Variants in ROBO1 observed in about 807,000 individuals in gnomAD.
ROBO1 encodes the protein roundabout homolog 1.
In ROBO1, 149 loss-of-function variants were observed where a neutral mutation model predicts 195.9. The ratio of observed to expected loss-of-function variants is 0.76; its 90% CI spans 0.67 to 0.87. ROBO1 has a LOEUF of 0.87. Among genes scored for constraint, ROBO1 ranks in the 40% least tolerant of loss-of-function variants. The pLI is 0.00. For synonymous variants in ROBO1, 816 were observed against 733.2 expected, an observed-to-expected ratio of 1.11 and a Z score of -1.82; for missense variants, 1,933 against 2,068.3, an observed-to-expected ratio of 0.93 and a Z score of 1.27.
intron 5 of ROBO1, among the ~76,000 whole-genome samples, chr3:78,746,281 T>G (rs2082654534): frequency 6.6e-6 from 1 of 152,142 alleles, no homozygotes; most frequent in African/African-American, 2.4e-5. Context: ...AAATAAGATT[T>G]TATTTTTCAG....
intron 2 of ROBO1, among the ~76,000 whole-genome samples, chr3:79,462,107 A>C (rs762116686): frequency 6.6e-6 from 1 of 152,148 alleles, no homozygotes; most frequent in Non-Finnish European, 1.5e-5. Context: ...GCCAAATGAA[A>C]GGTATTTATG....
chr3:79,240,502 C>T (rs1265108157), intron 2 of ROBO1, among the ~76,000 whole-genome samples: 1 of 152,016 alleles, frequency 6.6e-6, no homozygotes, highest in African/African-American at 2.4e-5. Flanking sequence ...TTTTTCCTGG[C>T]CTTAAATTTT....
At chr3:79,667,653 A>G (rs1946512340) in intron 1 of ROBO1, among the ~76,000 whole-genome samples, 1 of 151,792 alleles carries the variant, frequency 6.6e-6, no homozygotes, top group African/African-American at 2.4e-5. Flanking sequence ...ATTTCAGAGA[A>G]AATATGATAT....
intron 4 of ROBO1, among the ~76,000 whole-genome samples, chr3:78,915,710 C>T (rs1456279269): frequency 2.0e-5 from 3 of 152,114 alleles, no homozygotes; most frequent in Middle Eastern, 6.8e-3. Context: ...GGGTTTTGCT[C>T]TGTCACCCAG....
chr3:78,963,494 GTTTTTTTTT>G (rs750158094), intron 3 of ROBO1, among the ~76,000 whole-genome samples: 14 of 72,312 alleles, frequency 1.9e-4, no homozygotes, highest in South Asian at 6.7e-4. Context: ...AAAACCTTCA[GTTTTTTTTT>G]TTTTTTTTTT....
chr3:78,838,906 T>G (rs1327606676), intron 4 of ROBO1, among the ~76,000 whole-genome samples: 3 of 152,220 alleles, frequency 2.0e-5, no homozygotes, highest in Non-Finnish European at 4.4e-5. Context: ...CACTCTTAGA[T>G]TAAACCTGGC....
At chr3:78,697,045 G>GACACAGACAC (rs2081314679) in intron 8 of ROBO1, among the ~76,000 whole-genome samples, 3 of 146,418 alleles carry the variant, frequency 2.0e-5, no homozygotes, top group African/African-American at 7.5e-5. Context: ...GTCACACACA[G>GACACAGACAC]ACACACACAC....
chr3:78,751,704 T>A (rs192914185), intron 4 of ROBO1, among the ~76,000 whole-genome samples: 1 of 152,304 alleles, frequency 6.6e-6, no homozygotes, highest in African/African-American at 2.4e-5. Context: ...TTTTTCAGAT[T>A]ATTTTTCTTG....
At chr3:79,135,718 A>G (rs1017728165) in intron 2 of ROBO1, among the ~76,000 whole-genome samples, 1 of 151,928 alleles carries the variant, frequency 6.6e-6, no homozygotes, top group Non-Finnish European at 1.5e-5. Context: ...GCTCACCGCA[A>G]CTTTCGCCTC....
chr3:79,089,834 G>A (rs2079442112), intron 3 of ROBO1, among the ~76,000 whole-genome samples: 1 of 151,856 alleles, frequency 6.6e-6, no homozygotes, highest in South Asian at 2.1e-4. Context: ...CCAATCATCT[G>A]CCTATTTTTC....
chr3:79,107,426 A>C (rs1199550540), intron 3 of ROBO1, among the ~76,000 whole-genome samples: 1 of 151,742 alleles, frequency 6.6e-6, no homozygotes, highest in Admixed American at 6.6e-5. Context: ...CAAACATAAA[A>C]TACATTTTAC....
At chr3:78,733,730 C>A (rs979451979) in intron 5 of ROBO1, among the ~76,000 whole-genome samples, 20 of 152,098 alleles carry the variant, frequency 1.3e-4, no homozygotes, top group Admixed American at 7.2e-4. Context: ...ACTACTTTAA[C>A]CTATAATTAA....
chr3:79,496,367 G>T (rs979346737), intron 2 of ROBO1, among the ~76,000 whole-genome samples: 6 of 146,090 alleles, frequency 4.1e-5, no homozygotes, highest in African/African-American at 1.5e-4. Flanking sequence ...TACATTTTTG[G>T]TATAATGCTG....
chr3:79,191,469 T>C (rs995344098), intron 2 of ROBO1, among the ~76,000 whole-genome samples: 1 of 151,422 alleles, frequency 6.6e-6, no homozygotes, highest in African/African-American at 2.4e-5. Context: ...ATTATTTAGA[T>C]TATATTTCAC....
At chr3:78,627,275 T>C (rs1204587514) in intron 26 of ROBO1, 46 bp downstream of exon 26, 14 of 1,584,470 alleles carry the variant, frequency 8.8e-6, no homozygotes, top group Non-Finnish European at 1.1e-5. Flanking sequence ...CACTGAGGAG[T>C]AGAAATTATC....
intron 3 of ROBO1, among the ~76,000 whole-genome samples, chr3:79,046,419 A>C (rs1576608348): frequency 6.6e-6 from 1 of 152,228 alleles, no homozygotes; most frequent in South Asian, 2.1e-4. Context: ...CTGTACCCAG[A>C]TTTCGAAGTG....
At chr3:79,470,814 G>A (rs2107317915) in intron 2 of ROBO1, among the ~76,000 whole-genome samples, 1 of 152,208 alleles carries the variant, frequency 6.6e-6, no homozygotes, top group South Asian at 2.1e-4. Flanking sequence ...GCTGCCATGT[G>A]GAACTGTGAG....
chr3:78,659,842 T>C, intron 16 of ROBO1, 35 bp from the exon 17 acceptor site: 1 of 1,569,304 alleles, frequency 6.4e-7, no homozygotes, highest in Non-Finnish European at 8.7e-7. Context: ...GTTATTAGAA[T>C]GTGCTAGAGA....
intron 4 of ROBO1, among the ~76,000 whole-genome samples, chr3:78,800,025 A>T (rs1174494881): frequency 6.6e-6 from 1 of 152,208 alleles, no homozygotes; most frequent in Non-Finnish European, 1.5e-5. Context: ...GACACATTGT[A>T]TAATTGGTTT....
Sources: gnomAD v4.1 joint callset for allele counts (sites outside exome capture counted in the v4.1 genomes callset) on GRCh38, gnomAD v4.1.1 for gene constraint, MANE v1.5 for transcripts, NCBI Gene and HGNC (gene_info 2026-07-23, HGNC 2026-07-21) for gene names.